SPAG16: variants seen among roughly 807,000 people sequenced by gnomAD.
The protein encoded by SPAG16 is sperm associated antigen 16.
A neutral mutation model predicts 80.4 loss-of-function variants in SPAG16; 86 were observed. That is an observed-to-expected ratio of 1.07 (90% CI 0.90 to 1.28). The LOEUF (loss-of-function observed/expected upper bound fraction) is 1.28. Among genes scored for constraint, SPAG16 ranks in the 50% most tolerant of loss-of-function variants. The probability of loss-of-function intolerance (pLI) is 0.00; values close to 1 mark genes in which losing one functional copy is unlikely to be tolerated. For missense variants in SPAG16, 870 were observed against 765.3 expected (o/e 1.14, Z -1.61); for synonymous variants, 294 against 265.9 (o/e 1.11, Z -1.03).
intron 13 of SPAG16, among the ~76,000 whole-genome samples, chr2:214,085,944 C>T (rs2051711660): frequency 1.9e-4 from 29 of 152,202 alleles, no homozygotes; most frequent in Admixed American, 1.9e-3. Flanking sequence ...ACCTTGAACA[C>T]CATCTTCGCC....
At chr2:213,348,270 T>C (rs1465772557) in intron 6 of SPAG16, among the ~76,000 whole-genome samples, 1 of 152,184 alleles carries the variant, frequency 6.6e-6, no homozygotes, top group African/African-American at 2.4e-5. Context: ...CCTATGTGTG[T>C]CTCTGCATGT....
intron 15 of SPAG16, among the ~76,000 whole-genome samples, chr2:214,376,146 A>G (rs1346264172): frequency 6.6e-6 from 1 of 152,140 alleles, no homozygotes; most frequent in Non-Finnish European, 1.5e-5. Context: ...AAAATATGTG[A>G]CAAATTGTTG....
chr2:213,945,392 C>T (rs1381771801), intron 12 of SPAG16, among the ~76,000 whole-genome samples: 1 of 151,424 alleles, frequency 6.6e-6, no homozygotes, highest in Non-Finnish European at 1.5e-5. Flanking sequence ...CAAGGTCCCA[C>T]AACAGACTGT....
chr2:214,199,587 A>G (rs1406630243), intron 15 of SPAG16, among the ~76,000 whole-genome samples: 1 of 151,926 alleles, frequency 6.6e-6, no homozygotes, highest in Admixed American at 6.6e-5. Context: ...TATGTGGGCT[A>G]CTTTTGGCTC....
At chr2:213,446,074 A>C (rs1289987699) in intron 9 of SPAG16, among the ~76,000 whole-genome samples, 1 of 152,216 alleles carries the variant, frequency 6.6e-6, no homozygotes, top group Admixed American at 6.5e-5. Context: ...AGCATCAAAG[A>C]ATATAAAAGC....
At chr2:213,698,467 G>T (rs2065253433) in intron 10 of SPAG16, among the ~76,000 whole-genome samples, 1 of 152,084 alleles carries the variant, frequency 6.6e-6, no homozygotes, top group African/African-American at 2.4e-5. Context: ...TCACCATGTT[G>T]CCCAGGATGG....
At chr2:213,291,923 T>A (rs944743680) in intron 1 of SPAG16, among the ~76,000 whole-genome samples, 1 of 152,234 alleles carries the variant, frequency 6.6e-6, no homozygotes, top group Non-Finnish European at 1.5e-5. Flanking sequence ...GTGAAAATAC[T>A]TTTAAGCTTT....
chr2:214,153,213 C>T (rs548965486), intron 15 of SPAG16, among the ~76,000 whole-genome samples: 40 of 152,258 alleles, frequency 2.6e-4, no homozygotes, highest in African/African-American at 9.1e-4. Context: ...GGCATCACTA[C>T]TAGACCAAGG....
In SPAG16 at chr2:214,282,249, T is replaced by C. The variant is rs1003964287; in HGVS notation, c.1721-127891T>C. Among the ~76,000 whole-genome samples the C allele has an allele frequency of 2.0e-5, 3 of 152,104 alleles. No homozygotes were observed. The East Asian group carries it at 5.8e-4, about 29-fold the overall frequency. ...AAAATATCATAAATTAAACATAAAT[T>C]ATAAATGATGTAGATTGAATCAATT... On this transcript the variant is annotated intron_variant, in intron 15 of 15. Coordinates refer to ENST00000331683, the MANE Select transcript of SPAG16 (RefSeq NM_024532.5).
intron 6 of SPAG16, among the ~76,000 whole-genome samples, chr2:213,344,955 C>T (rs1474198990): frequency 6.6e-6 from 1 of 152,232 alleles, no homozygotes; most frequent in African/African-American, 2.4e-5. Context: ...GGAATCACCA[C>T]ACTGACTTCC....
intron 10 of SPAG16, among the ~76,000 whole-genome samples, chr2:213,656,056 A>T (rs935218198): frequency 2.0e-5 from 3 of 152,218 alleles, no homozygotes; most frequent in Admixed American, 2.0e-4. Context: ...TCTTCATTCA[A>T]GATAAAATGT....
chr2:214,409,022 T>C (rs1363339320), intron 15 of SPAG16, among the ~76,000 whole-genome samples: 3 of 151,380 alleles, frequency 2.0e-5, no homozygotes, highest in Non-Finnish European at 1.5e-5. Context: ...ATTAAATAGT[T>C]AATACTGTTA....
chr2:213,285,174 A>T (rs894545357), intron 1 of SPAG16, among the ~76,000 whole-genome samples: 1 of 152,214 alleles, frequency 6.6e-6, no homozygotes, highest in African/African-American at 2.4e-5. Flanking sequence ...TGACTACTTA[A>T]TAATAAATAC....
At chr2:214,095,312 C>T (rs896078919) in intron 13 of SPAG16, among the ~76,000 whole-genome samples, 1 of 151,998 alleles carries the variant, frequency 6.6e-6, no homozygotes, top group African/African-American at 2.4e-5. Flanking sequence ...CAGAAACCCC[C>T]CCAGAAACCT....
intron 12 of SPAG16, among the ~76,000 whole-genome samples, chr2:213,931,036 C>T (rs1006439826): frequency 5.3e-5 from 8 of 152,166 alleles, no homozygotes; most frequent in Non-Finnish European, 1.0e-4. Context: ...CCTGTGTTCG[C>T]TCAGTCCTAG....
chr2:214,215,744 G>C (rs1476103397), intron 15 of SPAG16, among the ~76,000 whole-genome samples: 1 of 152,124 alleles, frequency 6.6e-6, no homozygotes, highest in African/African-American at 2.4e-5. Context: ...TTTGACCTCT[G>C]TTCCTTCTGC....
chr2:213,528,654 G>A (rs140139628), intron 10 of SPAG16, among the ~76,000 whole-genome samples: 1 of 152,226 alleles, frequency 6.6e-6, no homozygotes, highest in East Asian at 1.9e-4. Context: ...GAGCAAGCTG[G>A]AAACCTTTCC....
chr2:214,130,632 C>T (rs1044924965), intron 14 of SPAG16, among the ~76,000 whole-genome samples: 1 of 152,152 alleles, frequency 6.6e-6, no homozygotes, highest in Non-Finnish European at 1.5e-5. Flanking sequence ...TTTGACATTA[C>T]AGTATGTTAC....
chr2:213,387,429 C>CTTTTTTT (rs1491308938), intron 9 of SPAG16, among the ~76,000 whole-genome samples: 742 of 71,684 alleles, frequency 0.01, 87 homozygotes, highest in Middle Eastern at 0.023. Flanking sequence ...GAAATGCATG[C>CTTTTTTT]TCTTTTTTTT....
Sources: gnomAD v4.1 joint callset for allele counts (sites outside exome capture counted in the v4.1 genomes callset) on GRCh38, gnomAD v4.1.1 for gene constraint, MANE v1.5 for transcripts, NCBI Gene and HGNC (gene_info 2026-07-23, HGNC 2026-07-21) for gene names.